Variants in HS3ST4 observed in about 807,000 individuals in gnomAD.
The protein encoded by HS3ST4 is heparan sulfate glucosamine 3-O-sulfotransferase 4.
HS3ST4 carries 17 observed loss-of-function variants against 29.2 expected under a neutral mutation model. The ratio of observed to expected loss-of-function variants is 0.58; its 90% CI spans 0.40 to 0.87. The LOEUF (loss-of-function observed/expected upper bound fraction) is 0.87, where lower values mean the gene tolerates loss of function less well. Among genes scored for constraint, HS3ST4 ranks in the 40% least tolerant of loss-of-function variants. The pLI is 0.00. For synonymous variants in HS3ST4, 314 were observed against 285.7 expected, an observed-to-expected ratio of 1.10 and a Z score of -1.00; for missense variants, 627 against 634.5, an observed-to-expected ratio of 0.99 and a Z score of 0.13.
At chr16:25,880,747 A>G (rs1484173019) in intron 1 of HS3ST4, among the ~76,000 whole-genome samples, 1 of 152,204 alleles carries the variant, frequency 6.6e-6, no homozygotes, top group African/African-American at 2.4e-5. Flanking sequence ...AAGAAATGAA[A>G]TAATAGAGGG....
intron 1 of HS3ST4, among the ~76,000 whole-genome samples, chr16:25,707,319 G>A (rs1020205669): frequency 6.6e-6 from 1 of 152,064 alleles, no homozygotes; most frequent in Non-Finnish European, 1.5e-5. Context: ...CCATAATCAC[G>A]TAACTTTTAT....
At chr16:25,817,426 GC>G (rs1280189211) in intron 1 of HS3ST4, among the ~76,000 whole-genome samples, 1 of 152,200 alleles carries the variant, frequency 6.6e-6, no homozygotes, top group Non-Finnish European at 1.5e-5. Flanking sequence ...ACTTAACTCT[GC>G]TGTTATAGTG....
intron 1 of HS3ST4, among the ~76,000 whole-genome samples, chr16:25,766,468 G>A (rs529737950): frequency 2.2e-4 from 33 of 152,286 alleles, no homozygotes; most frequent in African/African-American, 7.5e-4. Context: ...AGAGAGAAGC[G>A]AATATAGATG....
At chr16:25,828,253 T>TTTCC in intron 1 of HS3ST4, among the ~76,000 whole-genome samples, 1 of 73,712 alleles carries the variant, frequency 1.4e-5, no homozygotes, top group Non-Finnish European at 2.7e-5. Context: ...TCTTTCTTTC[T>TTTCC]TTCTTTCTTT....
chr16:26,054,310 GGAAGAA>G (rs202122640), intron 1 of HS3ST4, among the ~76,000 whole-genome samples: 18 of 148,456 alleles, frequency 1.2e-4, no homozygotes, highest in Non-Finnish European at 2.2e-4. Context: ...AGGAGGAGGA[GGAAGAA>G]GAAGAAGAAG....
chr16:26,028,419 A>G (rs1160195925), intron 1 of HS3ST4, among the ~76,000 whole-genome samples: 1 of 152,154 alleles, frequency 6.6e-6, no homozygotes, highest in East Asian at 1.9e-4. Context: ...ATGACTAGTT[A>G]TCAAGAAGAG....
At chr16:26,112,379 A>ATCT (rs1305007188) in intron 1 of HS3ST4, among the ~76,000 whole-genome samples, 1 of 68,968 alleles carries the variant, frequency 1.4e-5, no homozygotes. Context: ...AAGCCTCTAC[A>ATCT]TCTTTTTTTT....
chr16:25,693,246 G>A lies in HS3ST4; in HGVS notation c.734+95G>A, dbSNP rs1308831527. 3.8e-6 allele frequency: 5 copies of A among 1,330,304 alleles called. No homozygotes were observed. The African/African-American group carries it at 6.1e-5, about 16-fold the overall frequency. 82.4% of individuals were successfully genotyped at this position (1,330,304 alleles called of 1,614,324 possible). A position where few individuals can be genotyped will look rare whatever the true frequency, so the allele number is the denominator to read the frequency against. On this transcript the variant is annotated intron_variant, in intron 1 of 1. Transcript: ENST00000331351. ...CACGCCCTTCGAGCATCCAGGCACC[G>A]TCCCGAGAGGCCCAAGCCCCCGCGA...
At chr16:25,733,204 G>T (rs1174257442) in intron 1 of HS3ST4, among the ~76,000 whole-genome samples, 1 of 152,226 alleles carries the variant, frequency 6.6e-6, no homozygotes, top group Non-Finnish European at 1.5e-5. Flanking sequence ...TATGTGCCAA[G>T]AAATTGGTGA....
chr16:25,952,794 ACATGTCTT>A (rs1164483906), intron 1 of HS3ST4, among the ~76,000 whole-genome samples: 1 of 152,180 alleles, frequency 6.6e-6, no homozygotes, highest in South Asian at 2.1e-4. Context: ...TGGGAATTTT[ACATGTCTT>A]CATGGATAGT....
intron 1 of HS3ST4, among the ~76,000 whole-genome samples, chr16:25,989,487 G>T (rs189244480): frequency 2.2e-4 from 34 of 152,344 alleles, no homozygotes; most frequent in African/African-American, 8.2e-4. Flanking sequence ...TGGTTGCCTC[G>T]TTTGGTCCAT....
At position 25,819,495 on chromosome 16, in the gene HS3ST4, G is replaced by A. The variant is rs570256591; in HGVS notation, c.734+126344G>A. ...CCTTCCTTCCTAATTCGGTGGGATTGTGAGACTTGCTTCTGCCTGCAAAAA... is the reference window on the plus strand; with the variant it reads ...CCTTCCTTCCTAATTCGGTGGGATTATGAGACTTGCTTCTGCCTGCAAAAA... On this transcript the variant is annotated intron_variant, in intron 1 of 1. Transcript: ENST00000331351. Among the ~76,000 whole-genome samples the A allele has an allele frequency of 6.6e-5, 10 of 152,268 alleles. 1 individual carries two copies. The South Asian group carries it at 2.1e-3, about 32-fold the overall frequency.
chr16:26,087,477 A>G (rs1226740846), intron 1 of HS3ST4, among the ~76,000 whole-genome samples: 1 of 152,106 alleles, frequency 6.6e-6, no homozygotes, highest in African/African-American at 2.4e-5. Context: ...CCGTTGACCT[A>G]TCTCAACATC....
intron 1 of HS3ST4, among the ~76,000 whole-genome samples, chr16:25,862,252 A>G (rs113792988): frequency 0.011 from 1,665 of 151,892 alleles, 24 homozygotes; most frequent in African/African-American, 0.038. Flanking sequence ...GAGTGCAGTG[A>G]TGCCATCTCA....
At chr16:26,112,009 C>G (rs1317321366) in intron 1 of HS3ST4, among the ~76,000 whole-genome samples, 4 of 91,340 alleles carry the variant, frequency 4.4e-5, no homozygotes, top group Non-Finnish European at 7.7e-5. Context: ...GAGTGAGACT[C>G]CACTCAAAAA....
At chr16:25,993,980 GTGTGTGTGTGTGTGTGTGTGTGTGT>G (rs1969136728) in intron 1 of HS3ST4, among the ~76,000 whole-genome samples, 2 of 139,340 alleles carry the variant, frequency 1.4e-5, no homozygotes, top group South Asian at 2.5e-4. Flanking sequence ...GTGTGTGTGT[GTGTGTGTGTGTGTGTGTGTGTGTGT>G]GTGGTGGAGA....
At chr16:25,710,557 A>G (rs1269903957) in intron 1 of HS3ST4, among the ~76,000 whole-genome samples, 6 of 118,086 alleles carry the variant, frequency 5.1e-5, no homozygotes, top group Admixed American at 4.6e-4. Flanking sequence ...TTCCCCCAAG[A>G]TGGAGAAACT....
At chr16:25,769,919 T>C (rs1966839762) in intron 1 of HS3ST4, among the ~76,000 whole-genome samples, 1 of 152,180 alleles carries the variant, frequency 6.6e-6, no homozygotes, top group Non-Finnish European at 1.5e-5. Flanking sequence ...CTCTCCATCC[T>C]TCCTCCTTAG....
At chr16:25,898,860 G>T (rs949459655) in intron 1 of HS3ST4, among the ~76,000 whole-genome samples, 2 of 152,214 alleles carry the variant, frequency 1.3e-5, no homozygotes, top group Non-Finnish European at 2.9e-5. Flanking sequence ...ACTTACGTGA[G>T]AATTTATAAG....
Sources: gnomAD v4.1 joint callset for allele counts (sites outside exome capture counted in the v4.1 genomes callset) on GRCh38, gnomAD v4.1.1 for gene constraint, MANE v1.5 for transcripts, NCBI Gene and HGNC (gene_info 2026-07-23, HGNC 2026-07-21) for gene names.